The following SYTL2 variants were observed in gnomAD, a reference collection of about 807,000 sequenced individuals.
SYTL2 encodes the protein synaptotagmin like 2, also known as synaptotagmin-like protein 2.
SYTL2 carries 165 observed loss-of-function variants against 198.7 expected under a neutral mutation model. The ratio of observed to expected loss-of-function variants is 0.83; its 90% CI spans 0.73 to 0.94. The LOEUF (loss-of-function observed/expected upper bound fraction) is 0.94, where lower values mean the gene tolerates loss of function less well. Among genes scored for constraint, SYTL2 ranks in the 40% least tolerant of loss-of-function variants. SYTL2 has a pLI of 0.00. For missense variants in SYTL2, 2,835 were observed against 2,582.8 expected (o/e 1.10, Z -2.12); for synonymous variants, 966 against 917.7 (o/e 1.05, Z -0.95).
intron 3 of SYTL2, among the ~76,000 whole-genome samples, chr11:85,746,178 A>G (rs2091144304): frequency 6.6e-6 from 1 of 152,174 alleles, no homozygotes; most frequent in Non-Finnish European, 1.5e-5. Flanking sequence ...AATAGCTACA[A>G]TGTGTTCAAA....
At position 85,736,485 on chromosome 11, in the gene SYTL2, T is replaced by C. The variant is rs1384754864; in HGVS notation, c.586+16A>G. On this transcript the variant is annotated intron_variant, in intron 6 of 19. Coordinates refer to ENST00000359152, the MANE Select transcript of SYTL2 (RefSeq NM_206927.4). ...AACAAAGATAAAAAAATCAAGTTCA[T>C]AAAAATAATATTTACCCTCTTTTGA... is the stretch of plus-strand genomic sequence containing the variant. The C allele has an allele frequency of 2.2e-6, 3 of 1,362,242 alleles. No individual in the cohort carries two copies. The allele number at this position is 1,362,242 out of a possible 1,614,324, so 84.4% of individuals were successfully genotyped here. A position where few individuals can be genotyped will look rare whatever the true frequency, so the allele number is the denominator to read the frequency against.
chr11:85,851,520 A>G, the SYTL2 span, among the ~76,000 whole-genome samples: 1 of 152,242 alleles, frequency 6.6e-6, no homozygotes. Context: ...TCTACTATAG[A>G]TACTTTCCTA....
intron 1 of SYTL2, among the ~76,000 whole-genome samples, chr11:85,763,345 T>C (rs1474999838): frequency 1.3e-5 from 2 of 152,226 alleles, no homozygotes; most frequent in South Asian, 4.1e-4. Context: ...TGAATACTAA[T>C]ACTCTTCTTG....
intron 1 of SYTL2, among the ~76,000 whole-genome samples, chr11:85,782,937 C>G (rs994116843): frequency 6.6e-6 from 1 of 152,182 alleles, no homozygotes; most frequent in Non-Finnish European, 1.5e-5. Context: ...CTAGGAAGTT[C>G]CAAACTTTCT....
At chr11:85,809,352 A>G (rs2093001596) in intron 1 of SYTL2, among the ~76,000 whole-genome samples, 1 of 152,214 alleles carries the variant, frequency 6.6e-6, no homozygotes, top group Admixed American at 6.5e-5. Flanking sequence ...CTTCTAGAAC[A>G]GTACTGCTGC....
chr11:85,832,070 T>C, the SYTL2 span, among the ~76,000 whole-genome samples: 1 of 152,314 alleles, frequency 6.6e-6, no homozygotes, highest in South Asian at 2.1e-4. Context: ...TATTCTGTAT[T>C]TGAAATGCTA....
At position 85,725,076 on chromosome 11, in the gene SYTL2, G is replaced by T. The variant is rs2088934482; in HGVS notation, c.4282C>A (p.Pro1428Thr). The change falls in exon 8 of 20, where the codon CCA becomes ACA. Residue 1428 changes from proline (P) to threonine (T), a missense_variant. Pro to Thr is a conservative substitution (Grantham distance 38). Transcript: ENST00000359152. Reference protein sequence around the residue: ...SPWATMDTIVPDRKDFYSSNV... With the variant: ...SPWATMDTIVTDRKDFYSSNV... ...GAGGAATAAAAATCCTTCCTGTCTG[G>T]AACTATGGTGTCCATCGTAGCCCAT... 1.2e-6 allele frequency: 2 copies of T among 1,613,994 alleles called. No individual in the cohort carries two copies. The highest frequency in any genetic ancestry group is 1.3e-5 in the African/African-American group (1 of 74,910).
chr11:85,713,947 T>C (rs570277332), intron 12 of SYTL2, among the ~76,000 whole-genome samples: 2 of 152,234 alleles, frequency 1.3e-5, no homozygotes, highest in Admixed American at 6.5e-5. Flanking sequence ...GCCTGCCTCC[T>C]AGGGTTGTTG....
intron 9 of SYTL2, chr11:85,719,505 A>AT (rs3831395): frequency 0.015 from 2,777 of 184,082 alleles, 80 homozygotes; most frequent in African/African-American, 0.059. Flanking sequence ...TTGTTCTGAG[A>AT]TTTTTTTTTT....
intron 2 of SYTL2, among the ~76,000 whole-genome samples, chr11:85,756,167 T>C (rs570561209): frequency 1.1e-4 from 17 of 152,270 alleles, no homozygotes; most frequent in South Asian, 1.0e-3. Flanking sequence ...AAACTGTCAA[T>C]GGGTAGAGGA....
intron 12 of SYTL2, among the ~76,000 whole-genome samples, chr11:85,713,127 C>T (rs1192851360): frequency 6.6e-6 from 1 of 152,178 alleles, no homozygotes; most frequent in East Asian, 1.9e-4. Context: ...GTAACATGTG[C>T]TCTTAACCAT....
intron 8 of SYTL2, among the ~76,000 whole-genome samples, chr11:85,722,665 G>A (rs1033396374): frequency 2.0e-5 from 3 of 151,582 alleles, no homozygotes; most frequent in Non-Finnish European, 2.9e-5. Context: ...TAACATGCTG[G>A]CTTTATTCTT....
intron 1 of SYTL2, among the ~76,000 whole-genome samples, chr11:85,788,536 G>A (rs1250733653): frequency 6.6e-6 from 1 of 152,152 alleles, no homozygotes; most frequent in Non-Finnish European, 1.5e-5. Flanking sequence ...CAAAAGTCTG[G>A]AAACTTGCCA....
chr11:85,740,055 C>T (rs1242862011), intron 4 of SYTL2, among the ~76,000 whole-genome samples: 1 of 152,162 alleles, frequency 6.6e-6, no homozygotes, highest in East Asian at 1.9e-4. Flanking sequence ...TACCACTACG[C>T]TGGAGTGGTC....
upstream of SYTL2, among the ~76,000 whole-genome samples, chr11:85,813,690 T>TCCTC (rs139494184): frequency 1.2e-4 from 18 of 147,900 alleles, no homozygotes; most frequent in Admixed American, 7.6e-4. Flanking sequence ...TAGACAAGTC[T>TCCTC]CCTCCCTCCC....
chr11:85,797,047 C>T (rs1262116124), intron 1 of SYTL2, among the ~76,000 whole-genome samples: 1 of 152,056 alleles, frequency 6.6e-6, no homozygotes, highest in Non-Finnish European at 1.5e-5. Flanking sequence ...TTAAATGATC[C>T]AGGTGCAGTG....
At chr11:85,853,963 A>G in the SYTL2 span, 1 of 151,946 alleles carries the variant, frequency 6.6e-6, no homozygotes, top group South Asian at 2.1e-4. Flanking sequence ...TTCGGCCTCC[A>G]CCTCCGAAGT....
intron 17 of SYTL2, among the ~76,000 whole-genome samples, chr11:85,699,977 A>T (rs1342758714): frequency 2.0e-5 from 3 of 152,224 alleles, no homozygotes; most frequent in African/African-American, 7.2e-5. Flanking sequence ...TTCTATTCTT[A>T]TAGCACTATC....
At chr11:85,704,791 G>C (rs2084867949) in intron 16 of SYTL2, 67 bp downstream of exon 16, 8 of 1,320,750 alleles carry the variant, frequency 6.1e-6, no homozygotes, top group Non-Finnish European at 8.4e-6. Context: ...ATGCAATTAA[G>C]CTTTTTCCTA....
Sources: allele counts gnomAD v4.1 joint callset (sites outside exome capture counted in the v4.1 genomes callset), GRCh38; gene constraint gnomAD v4.1.1; transcripts MANE v1.5; gene names NCBI Gene and HGNC (gene_info 2026-07-23, HGNC 2026-07-21).